The following AGBL4 variants were observed in gnomAD, a reference collection of about 807,000 sequenced individuals.
AGBL4 encodes the protein cytosolic carboxypeptidase 6.
Under a neutral mutation model 66.4 loss-of-function variants are expected in AGBL4, and 58 were observed. The ratio of observed to expected loss-of-function variants is 0.87; its 90% CI spans 0.71 to 1.09. AGBL4 has a LOEUF of 1.09. Among genes scored for constraint, AGBL4 ranks in the 50% least tolerant of loss-of-function variants. AGBL4 has a pLI of 0.00. For missense variants in AGBL4, 579 were observed against 631.0 expected (o/e 0.92, Z 0.88); for synonymous variants, 234 against 222.9 (o/e 1.05, Z -0.44).
At position 49,462,357 on chromosome 1, in the gene AGBL4, A is replaced by G. The variant is rs116610734; in HGVS notation, c.283-216493T>C. On this transcript the variant is annotated intron_variant, in intron 3 of 13. Transcript: ENST00000371839. ...ATCTTAATATAACTTAGGGAGATAGAATCAATAAGACTTGGTGACAGATTG... is the reference window on the plus strand; with the variant it reads ...ATCTTAATATAACTTAGGGAGATAGGATCAATAAGACTTGGTGACAGATTG... 5.6e-3 allele frequency among the ~76,000 whole-genome samples: 846 copies of G among 151,856 alleles called. 13 individuals carry two copies. Among genetic ancestry groups the G allele is most frequent in the Non-Finnish European group, 7.0e-3 (473 of 67,812 alleles).
In AGBL4 at chr1:49,144,526, TACACACAC is replaced by T. The variant is rs58163314; in HGVS notation, c.378-98734_378-98727del. ...GCAATCCTATTCAGTTTACCTAATC[TACACACAC>T]ACACACACACACACACACACACTCA... On this transcript the variant is annotated intron_variant, in intron 4 of 13. Coordinates refer to ENST00000371839, the MANE Select transcript of AGBL4 (RefSeq NM_032785.4). Among the ~76,000 whole-genome samples, 61 of 146,104 alleles carry T rather than the reference TACACACAC, an allele frequency of 4.2e-4. 1 individual carries two copies. Among genetic ancestry groups the T allele is most frequent in the African/African-American group, 1.2e-3 (49 of 39,812 alleles).
intron 3 of AGBL4, among the ~76,000 whole-genome samples, chr1:49,375,200 C>T (rs1478364830): frequency 6.6e-6 from 1 of 152,044 alleles, no homozygotes; most frequent in Non-Finnish European, 1.5e-5. Context: ...AGACATGATA[C>T]CTGCCCTTAA....
At chr1:49,670,229 C>T (rs1646450457) in intron 3 of AGBL4, among the ~76,000 whole-genome samples, 1 of 152,104 alleles carries the variant, frequency 6.6e-6, no homozygotes, top group Admixed American at 6.6e-5. Context: ...AAGCTACTCC[C>T]ATCCCACTCC....
At chr1:49,615,234 T>TA (rs1380512089) in intron 3 of AGBL4, among the ~76,000 whole-genome samples, 4 of 152,148 alleles carry the variant, frequency 2.6e-5, no homozygotes, top group Non-Finnish European at 4.4e-5. Context: ...AAGGAGGCAG[T>TA]ATAAATCTCC....
rs369139471 is a variant in AGBL4, at chr1:49,697,363, G to A, written c.232C>T (p.Arg78Cys). 71 of 1,548,480 alleles carry A rather than the reference G, an allele frequency of 4.6e-5. No individual in the cohort carries two copies. In the African/African-American group the frequency reaches 5.5e-4, roughly 12 times the overall value. ...GTAAAGTTGAACCAGACTCGGAAGCGTGGATTACAGGTGTCCGGCCTAATG... is the reference window on the plus strand; with the variant it reads ...GTAAAGTTGAACCAGACTCGGAAGCATGGATTACAGGTGTCCGGCCTAATG... ...LFIRPDTCNP[R>C]FRVWFNFTVE... Residue 78 changes from arginine (R) to cysteine (C), a missense_variant, in exon 3 of 14, where the codon CGC (arginine) becomes TGC (cysteine). Transcript: ENST00000371839.
At chr1:49,752,022 C>T (rs781763867) in intron 2 of AGBL4, among the ~76,000 whole-genome samples, 1 of 151,302 alleles carries the variant, frequency 6.6e-6, no homozygotes, top group Non-Finnish European at 1.5e-5. Flanking sequence ...TTTCAAAAAA[C>T]CAGCTCCTGG....
At chr1:48,804,780 G>A (rs552365240) in intron 6 of AGBL4, among the ~76,000 whole-genome samples, 1 of 152,310 alleles carries the variant, frequency 6.6e-6, no homozygotes, top group Admixed American at 6.5e-5. Flanking sequence ...TGAGGTTCAA[G>A]TCTGAATAGA....
intron 5 of AGBL4, among the ~76,000 whole-genome samples, chr1:49,029,627 T>G (rs1664044883): frequency 6.6e-6 from 1 of 152,186 alleles, no homozygotes; most frequent in Non-Finnish European, 1.5e-5. Flanking sequence ...ACAGGTTCAG[T>G]GCAATAACTA....
At chr1:49,194,466 T>C (rs1244105023) in intron 4 of AGBL4, among the ~76,000 whole-genome samples, 3 of 152,242 alleles carry the variant, frequency 2.0e-5, no homozygotes, top group Non-Finnish European at 4.4e-5. Flanking sequence ...TTTATTTCCA[T>C]TCATCCAGTC....
intron 3 of AGBL4, among the ~76,000 whole-genome samples, chr1:49,434,356 T>A (rs1191640779): frequency 6.6e-6 from 1 of 152,166 alleles, no homozygotes; most frequent in Non-Finnish European, 1.5e-5. Flanking sequence ...TCCTTTCAAC[T>A]GTTACCTATT....
chr1:49,736,764 T>C lies in AGBL4; in HGVS notation c.158-39327A>G, dbSNP rs1408417520. Among the ~76,000 whole-genome samples the C allele has an allele frequency of 2.0e-5, 3 of 151,962 alleles. No homozygotes were observed. In the East Asian group the frequency reaches 5.8e-4, roughly 29 times the overall value. On this transcript the variant is annotated intron_variant, in intron 2 of 13. Coordinates refer to ENST00000371839, the MANE Select transcript of AGBL4 (RefSeq NM_032785.4). ...AATGGGAGAAGATACTTGCAAACTA[T>C]GCATCTGACAATGGTGTAACTTCCC...
chr1:49,062,053 G>T (rs1311155668), intron 4 of AGBL4, among the ~76,000 whole-genome samples: 2 of 152,132 alleles, frequency 1.3e-5, no homozygotes, highest in Non-Finnish European at 2.9e-5. Context: ...AAACCCTATT[G>T]TGAACTTTGC....
intron 3 of AGBL4, among the ~76,000 whole-genome samples, chr1:49,656,075 A>T (rs546156019): frequency 7.9e-5 from 12 of 151,864 alleles, no homozygotes; most frequent in Non-Finnish European, 1.6e-4. Flanking sequence ...TGAACCTGGG[A>T]GGCGGAGGTT....
intron 5 of AGBL4, among the ~76,000 whole-genome samples, chr1:48,926,183 C>A (rs1422555639): frequency 6.6e-6 from 1 of 152,286 alleles, no homozygotes; most frequent in East Asian, 1.9e-4. Flanking sequence ...AAGAGCAAGA[C>A]GCTTGCAAGA....
At position 49,314,865 on chromosome 1, in the gene AGBL4, T is replaced by G. The variant is rs1645010521; in HGVS notation, c.283-69001A>C. Among the ~76,000 whole-genome samples the G allele has an allele frequency of 2.6e-5, 4 of 152,284 alleles. No individual in the cohort carries two copies. In the South Asian group the frequency reaches 8.3e-4, roughly 32 times the overall value. On this transcript the variant is annotated intron_variant, in intron 3 of 13. Transcript: ENST00000371839. ...CCCACCAACAGTGTAAAAGCATTCC[T>G]ATTTCTCCAGATCTTCTCCAGCATC... is the stretch of plus-strand genomic sequence containing the variant.
intron 3 of AGBL4, among the ~76,000 whole-genome samples, chr1:49,631,677 G>T (rs1401396221): frequency 6.6e-6 from 1 of 152,188 alleles, no homozygotes; most frequent in East Asian, 1.9e-4. Flanking sequence ...CCTGTTGGGA[G>T]AAATGCCTGT....
At chr1:49,330,227 G>A (rs1645306019) in intron 3 of AGBL4, among the ~76,000 whole-genome samples, 1 of 152,172 alleles carries the variant, frequency 6.6e-6, no homozygotes, top group African/African-American at 2.4e-5. Flanking sequence ...GACCAGCCTG[G>A]CCAAAATGGT....
chr1:49,488,209 T>A (rs1237814377), intron 3 of AGBL4, among the ~76,000 whole-genome samples: 1 of 151,632 alleles, frequency 6.6e-6, no homozygotes, highest in African/African-American at 2.4e-5. Context: ...TATAATCACC[T>A]CTCCCCAGAA....
intron 3 of AGBL4, among the ~76,000 whole-genome samples, chr1:49,505,310 A>G (rs1302207482): frequency 2.0e-5 from 3 of 151,958 alleles, no homozygotes; most frequent in African/African-American, 4.8e-5. Flanking sequence ...TTGTGAAGTT[A>G]CTTTAACCAG....
Sources: gnomAD v4.1 joint callset for allele counts (sites outside exome capture counted in the v4.1 genomes callset) on GRCh38, gnomAD v4.1.1 for gene constraint, MANE v1.5 for transcripts, NCBI Gene and HGNC (gene_info 2026-07-23, HGNC 2026-07-21) for gene names.